The following PPP1R1C variants were observed in gnomAD, a reference collection of about 807,000 sequenced individuals.
PPP1R1C encodes the protein protein phosphatase 1 regulatory subunit 1C.
A neutral mutation model predicts 17.4 loss-of-function variants in PPP1R1C; 15 were observed. The ratio of observed to expected loss-of-function variants is 0.86; its 90% CI spans 0.58 to 1.33. The LOEUF is 1.33. PPP1R1C is among the 40% of genes most tolerant of loss of function. The probability of loss-of-function intolerance (pLI) is 0.00; values close to 1 mark genes in which losing one functional copy is unlikely to be tolerated. For missense variants in PPP1R1C, 143 were observed against 130.0 expected (o/e 1.10, Z -0.48); for synonymous variants, 35 against 43.1 (o/e 0.81, Z 0.73).
rs1196165 is a variant in PPP1R1C at position 182,067,048 on chromosome 2, A to T, written c.241+3257A>T. On this transcript the variant is annotated intron_variant, in intron 4 of 4. Transcript: ENST00000682840. The stretch of plus-strand genomic sequence containing the variant: ...GAAGAAAGCAAAGTAAGTGCTATTG[A>T]TTTAAACGGAAATTGGAACATTAAA... Among the ~76,000 whole-genome samples, 387 of 152,042 alleles carry T rather than the reference A, an allele frequency of 2.5e-3. 2 individuals carry two copies. Among genetic ancestry groups the T allele is most frequent in the African/African-American group, 8.9e-3 (369 of 41,466 alleles).
At chr2:182,119,439 T>A (rs995655131), downstream of PPP1R1C, among the ~76,000 whole-genome samples, 1 of 152,182 alleles carries the variant, frequency 6.6e-6, no homozygotes, top group Non-Finnish European at 1.5e-5. Context: ...GATGGCTGGG[T>A]CAAATGGTAT....
At chr2:182,091,719 C>A (rs1299347437) in intron 4 of PPP1R1C, among the ~76,000 whole-genome samples, 1 of 152,100 alleles carries the variant, frequency 6.6e-6, no homozygotes, top group African/African-American at 2.4e-5. Flanking sequence ...ACCCCATGCC[C>A]TGCTTGTTTT....
chr2:182,031,418 A>C (rs1011279931), intron 2 of PPP1R1C, among the ~76,000 whole-genome samples: 1 of 152,248 alleles, frequency 6.6e-6, no homozygotes, highest in East Asian at 1.9e-4. Flanking sequence ...TTAAGTTGCT[A>C]AACATTCGGA....
At chr2:181,995,532 T>C (rs1156935066) in intron 2 of PPP1R1C, among the ~76,000 whole-genome samples, 1 of 152,220 alleles carries the variant, frequency 6.6e-6, no homozygotes. Context: ...TAAATAGGTG[T>C]CTGCATAGTA....
chr2:182,054,335 G>A (rs1687618482), intron 2 of PPP1R1C, among the ~76,000 whole-genome samples: 1 of 152,018 alleles, frequency 6.6e-6, no homozygotes, highest in Admixed American at 6.5e-5. Context: ...ATAGTTTTAT[G>A]GCATTTTATC....
chr2:182,109,186 G>A (rs1689342866), intron 4 of PPP1R1C, among the ~76,000 whole-genome samples: 1 of 151,968 alleles, frequency 6.6e-6, no homozygotes, highest in South Asian at 2.1e-4. Context: ...TTCTTAATTG[G>A]ATTGTTTGTT....
intron 2 of PPP1R1C, among the ~76,000 whole-genome samples, chr2:182,034,291 G>A (rs1209067909): frequency 2.0e-5 from 3 of 151,912 alleles, no homozygotes; most frequent in Non-Finnish European, 2.9e-5. Flanking sequence ...TGGATTAAAA[G>A]GTGGCATCAG....
chr2:182,026,613 G>A lies in PPP1R1C; in HGVS notation c.143-34829G>A, dbSNP rs1000423807. ...TACCATGCTGTTTTGGTTACTGTAG[G>A]CTTGTAGTATAGTTTGAAGTCAGGT... On this transcript the variant is annotated intron_variant, in intron 2 of 4. Transcript: ENST00000682840. Among the ~76,000 whole-genome samples the A allele has an allele frequency of 7.9e-5, 12 of 151,948 alleles. 3 individuals carry two copies. The highest frequency in any genetic ancestry group is 2.2e-4 in the African/African-American group (9 of 41,462).
intron 1 of PPP1R1C, among the ~76,000 whole-genome samples, chr2:181,959,984 T>A (rs1004717826): frequency 5.3e-5 from 8 of 152,200 alleles, no homozygotes; most frequent in African/African-American, 1.9e-4. Context: ...GATGGCAAAT[T>A]TGTTCAACCA....
At position 181,961,926 on chromosome 2, in the gene PPP1R1C, G is replaced by A. The variant is rs972872739; in HGVS notation, n.111+7292G>A. On this transcript the variant is annotated intron_variant and non_coding_transcript_variant, in intron 1 of 5. Coordinates refer to the PPP1R1C transcript ENST00000464264. The surrounding 1 kb of genome is among the most constrained non-coding windows in gnomAD (Gnocchi z 5.8). ...CATTGGTCATCAGTGACCTTGTGGA[G>A]CCCATGGATGTCACTCCCCACAGAC... 3 of 743,570 alleles carry A rather than the reference G, an allele frequency of 4.0e-6. No homozygotes were observed. Among genetic ancestry groups the A allele is most frequent in the African/African-American group, 3.4e-5 (2 of 58,408 alleles). The allele number at this position is 743,570 out of a possible 1,614,324, so 46.1% of individuals were successfully genotyped here.
intron 1 of PPP1R1C, among the ~76,000 whole-genome samples, chr2:181,955,796 GCA>G (rs1366261929): frequency 6.6e-6 from 1 of 152,004 alleles, no homozygotes; most frequent in Non-Finnish European, 1.5e-5. Context: ...TTCAATTCTA[GCA>G]CACAGAGATA....
At chr2:182,078,860 G>C (rs1688392139) in intron 4 of PPP1R1C, among the ~76,000 whole-genome samples, 1 of 152,122 alleles carries the variant, frequency 6.6e-6, no homozygotes, top group Admixed American at 6.5e-5. Flanking sequence ...TGAGAAATCT[G>C]GGTTTCTGCC....
chr2:182,016,328 C>T (rs548510795), intron 2 of PPP1R1C, among the ~76,000 whole-genome samples: 2 of 152,282 alleles, frequency 1.3e-5, no homozygotes, highest in South Asian at 2.1e-4. Context: ...ACATTAAAAC[C>T]AGAGATTGTG....
rs557323509 is a variant in PPP1R1C, at chr2:182,014,054, T to C, written c.142+26155T>C. Among the ~76,000 whole-genome samples, 4 of 152,326 alleles carry C rather than the reference T, an allele frequency of 2.6e-5. No individual in the cohort carries two copies. The South Asian group carries it at 8.3e-4, about 32-fold the overall frequency. On this transcript the variant is annotated intron_variant, in intron 2 of 4. Coordinates refer to ENST00000682840, the MANE Select transcript of PPP1R1C (RefSeq NM_001080545.3). ...GGTCCCCAGTACCATATTTAGTTAG[T>C]TGTCGAGGTCATGTTTTCCTGGATG...
rs182798261 is a variant in PPP1R1C, at chr2:182,117,503, A to C, written c.*208A>C. 3.9e-4 allele frequency: 177 copies of C among 449,694 alleles called. No individual in the cohort carries two copies. Among genetic ancestry groups the C allele is most frequent in the African/African-American group, 3.4e-3 (168 of 48,760 alleles). The allele number at this position is 449,694 out of a possible 1,614,324, so 27.9% of individuals were successfully genotyped here. A position where few individuals can be genotyped will look rare whatever the true frequency, so the allele number is the denominator to read the frequency against. On this transcript the variant is annotated 3_prime_UTR_variant, in exon 5 of 5. Transcript: ENST00000682840. ...GTTCCACATCACTTATAATTAAAGA[A>C]TAAGCATTTATTTTACAGTGATTCT...
chr2:181,978,049 A>T (rs1183780635), intron 2 of PPP1R1C, among the ~76,000 whole-genome samples: 1 of 152,210 alleles, frequency 6.6e-6, no homozygotes, highest in Non-Finnish European at 1.5e-5. Context: ...CCTCACAATC[A>T]TGGTGGAAGA....
At chr2:182,040,906 G>T (rs1042013010) in intron 2 of PPP1R1C, among the ~76,000 whole-genome samples, 1 of 152,128 alleles carries the variant, frequency 6.6e-6, no homozygotes, top group Non-Finnish European at 1.5e-5. Flanking sequence ...ATTGAATAGG[G>T]TGTCTTGTCC....
chr2:182,122,554 GT>G (rs969812936), downstream of PPP1R1C, among the ~76,000 whole-genome samples: 4 of 151,860 alleles, frequency 2.6e-5, no homozygotes, highest in Non-Finnish European at 4.4e-5. Flanking sequence ...CTAGTTTTTT[GT>G]TTTTTTGAGG....
chr2:182,051,140 A>G (rs1372289780), intron 2 of PPP1R1C, among the ~76,000 whole-genome samples: 2 of 152,232 alleles, frequency 1.3e-5, no homozygotes, highest in African/African-American at 4.8e-5. Flanking sequence ...ACTCAACAGA[A>G]GAGTAAAAGA....
Sources: gnomAD v4.1 joint callset for allele counts (sites outside exome capture counted in the v4.1 genomes callset) on GRCh38, gnomAD v4.1.1 for gene constraint, Gnocchi (gnomAD v3.1) non-coding constraint, MANE v1.5 for transcripts, NCBI Gene and HGNC (gene_info 2026-07-23, HGNC 2026-07-21) for gene names.